Variants in TM4SF5 observed in about 807,000 individuals in gnomAD.
The protein encoded by TM4SF5 is transmembrane 4 L6 family member 5.
TM4SF5 carries 16 observed loss-of-function variants against 22.3 expected under a neutral mutation model. That is an observed-to-expected ratio of 0.72 (90% CI 0.49 to 1.09). The LOEUF is 1.09. TM4SF5 is among the 50% of genes least tolerant of loss of function. The pLI is 0.00. For missense variants in TM4SF5, 249 were observed against 266.1 expected (o/e 0.94, Z 0.45); for synonymous variants, 113 against 109.6 (o/e 1.03, Z -0.19).
intron 2 of TM4SF5, among the ~76,000 whole-genome samples, chr17:4,781,478 C>T (rs913075274): frequency 4.0e-5 from 6 of 151,792 alleles, no homozygotes; most frequent in Non-Finnish European, 7.4e-5. Context: ...AGCAAAACTC[C>T]GCCTCAAAAA....
chr17:4,783,144 C>T lies in TM4SF5; in HGVS notation c.*16C>T, dbSNP rs1200673174. 60 of 1,613,644 alleles carry T rather than the reference C, an allele frequency of 3.7e-5. No individual in the cohort carries two copies. Among genetic ancestry groups the T allele is most frequent in the Non-Finnish European group, 4.6e-5 (54 of 1,179,908 alleles). On this transcript the variant is annotated 3_prime_UTR_variant, in exon 5 of 5. Coordinates refer to ENST00000270560, the MANE Select transcript of TM4SF5 (RefSeq NM_003963.3). ...ACCTCACTGAGGCTCCACTGACCGCCGGGTTACACCTGCTCCTTCCTGGAC... is the reference window on the plus strand; with the variant it reads ...ACCTCACTGAGGCTCCACTGACCGCTGGGTTACACCTGCTCCTTCCTGGAC...
chr17:4,773,934 C>A (rs914337840), intron 1 of TM4SF5, among the ~76,000 whole-genome samples: 3 of 152,102 alleles, frequency 2.0e-5, no homozygotes, highest in Non-Finnish European at 4.4e-5. Flanking sequence ...AAGCACCACC[C>A]GGTGGGCATG....
At chr17:4,776,700 C>T (rs1478865589) in intron 1 of TM4SF5, among the ~76,000 whole-genome samples, 3 of 152,140 alleles carry the variant, frequency 2.0e-5, no homozygotes, top group South Asian at 2.1e-4. Context: ...GGTACAAATA[C>T]GTGTGCATTT....
intron 1 of TM4SF5, among the ~76,000 whole-genome samples, chr17:4,777,836 A>G (rs1917235890): frequency 6.6e-6 from 1 of 151,956 alleles, no homozygotes; most frequent in South Asian, 2.1e-4. Flanking sequence ...GCGAGCCAAG[A>G]TCGCGCCATT....
chr17:4,782,243 T>C (rs570993011), intron 2 of TM4SF5, among the ~76,000 whole-genome samples: 1 of 151,966 alleles, frequency 6.6e-6, no homozygotes, highest in East Asian at 1.9e-4. Context: ...CACACCCGGC[T>C]AATTTTTGTA....
At chr17:4,775,425 AT>A (rs969240020) in intron 1 of TM4SF5, among the ~76,000 whole-genome samples, 146 of 144,108 alleles carry the variant, frequency 1.0e-3, no homozygotes, top group Admixed American at 1.2e-3. Flanking sequence ...CGCACAGCAA[AT>A]TTTTTTTTTT....
intron 1 of TM4SF5, among the ~76,000 whole-genome samples, chr17:4,779,657 G>T (rs1246512364): frequency 6.6e-6 from 1 of 152,156 alleles, no homozygotes; most frequent in African/African-American, 2.4e-5. Context: ...TTCCAGCCTG[G>T]CTGACCTAGT....
chr17:4,773,040 G>T (rs1427345975), intron 1 of TM4SF5, among the ~76,000 whole-genome samples: 1 of 151,810 alleles, frequency 6.6e-6, no homozygotes, highest in Admixed American at 6.6e-5. Context: ...GAGTAGCTGG[G>T]ATTACGGTCA....
rs1292048105 is a variant in TM4SF5, at chr17:4,782,880, T to C, written c.422T>C (p.Leu141Pro). 1.2e-6 allele frequency: 2 copies of C among 1,613,918 alleles called. No homozygotes were observed. Among genetic ancestry groups the C allele is most frequent in the African/African-American group, 1.3e-5 (1 of 74,930 alleles). Residue 141 changes from leucine (L) to proline (P), a missense_variant, in exon 4 of 5, where the codon CTA becomes CCA. Leu to Pro is a moderately conservative substitution (Grantham distance 98). Transcript: ENST00000270560. ...TAGAYLLNRT[L>P]WDRCEAPPRV... ...GGAGCTTACTTGCTCAACCGCACTCTATGGGATCGGTGCGAGGCGCCCCCT... is the reference window on the plus strand; with the variant it reads ...GGAGCTTACTTGCTCAACCGCACTCCATGGGATCGGTGCGAGGCGCCCCCT...
intron 2 of TM4SF5, among the ~76,000 whole-genome samples, chr17:4,782,026 A>G (rs1201673583): frequency 6.6e-6 from 1 of 151,368 alleles, no homozygotes; most frequent in East Asian, 1.9e-4. Context: ...TTGTGTAGCT[A>G]GGAATTCCAT....
chr17:4,782,947 G>A lies in TM4SF5; in HGVS notation c.489G>A (p.Val163=). Residue 163 remains valine, a synonymous_variant, in exon 4 of 5, where the codon GTG becomes GTA. Transcript: ENST00000270560. ...ATGTGACGCTCTTCTCGCTGCTGGT[G>A]GCCGCCTCCTGCCTGGAGATAGTAC... ...PWNVTLFSLL[V]AASCLEIVLC... 6.2e-7 allele frequency: 1 copy of A among 1,614,262 alleles called. No individual in the cohort carries two copies. Among genetic ancestry groups the A allele is most frequent in the Non-Finnish European group, 8.5e-7 (1 of 1,180,046 alleles).
intron 3 of TM4SF5, 36 bp from the exon 4 acceptor site, chr17:4,782,818 G>T (rs772369263): frequency 1.3e-6 from 2 of 1,593,838 alleles, no homozygotes; most frequent in Admixed American, 1.7e-5. Flanking sequence ...GCACGCGCAC[G>T]CTGCCTTCTC....
chr17:4,778,700 C>A lies in TM4SF5; in HGVS notation c.178-2089C>A, dbSNP rs189884570. ...AGGCAAAGAACCTGACCTGGTGCAA[C>A]GAAGATAAAGGTAACGGAGCCAGAT... On this transcript the variant is annotated intron_variant, in intron 1 of 4. Coordinates refer to ENST00000270560, the MANE Select transcript of TM4SF5 (RefSeq NM_003963.3). Among the ~76,000 whole-genome samples the A allele has an allele frequency of 9.9e-5, 15 of 152,014 alleles. 1 individual carries two copies. The highest frequency in any genetic ancestry group is 9.9e-4 in the Admixed American group (15 of 15,228).
chr17:4,773,445 C>CAAA (rs1356412529), intron 1 of TM4SF5, among the ~76,000 whole-genome samples: 1 of 152,148 alleles, frequency 6.6e-6, no homozygotes, highest in African/African-American at 2.4e-5. Flanking sequence ...TGGTCAACCT[C>CAAA]GTTTAATATC....
In TM4SF5 at chr17:4,782,958, G is replaced by C; in HGVS notation, c.500G>C (p.Cys167Ser). 6.2e-7 allele frequency: 1 copy of C among 1,614,254 alleles called. No homozygotes were observed. The highest frequency in any genetic ancestry group is 1.3e-5 in the African/African-American group (1 of 75,078). ...TLFSLLVAAS[C>S]LEIVLCGIQL... ...TTCTCGCTGCTGGTGGCCGCCTCCT[G>C]CCTGGAGATAGTACTGTGTGGGATC... Residue 167 changes from cysteine to serine, a missense_variant, in exon 4 of 5, where the codon TGC becomes TCC. Physicochemically the swap from Cys to Ser is moderately radical, Grantham distance 112. Transcript: ENST00000270560.
intron 2 of TM4SF5, among the ~76,000 whole-genome samples, chr17:4,782,070 G>A (rs1917319717): frequency 6.7e-6 from 1 of 149,484 alleles, no homozygotes; most frequent in Non-Finnish European, 1.5e-5. Context: ...GACAGGTGCA[G>A]AAACAGAGTC....
intron 2 of TM4SF5, among the ~76,000 whole-genome samples, chr17:4,782,018 G>C (rs1479534651): frequency 6.6e-6 from 1 of 151,916 alleles, no homozygotes; most frequent in Admixed American, 6.6e-5. Flanking sequence ...AGAGGAGCTT[G>C]TGTAGCTAGG....
In TM4SF5 at chr17:4,771,897, C is replaced by G. The variant is rs1402349188; in HGVS notation, c.-26C>G. ...GGAACCACTGGCTTACTTTCACTCACCGCCTGTCCTTCCTGACACCTCACC... is the reference window on the plus strand; with the variant it reads ...GGAACCACTGGCTTACTTTCACTCAGCGCCTGTCCTTCCTGACACCTCACC... On this transcript the variant is annotated 5_prime_UTR_variant, in exon 1 of 5. Coordinates refer to ENST00000270560, the MANE Select transcript of TM4SF5 (RefSeq NM_003963.3). The G allele has an allele frequency of 6.2e-7, 1 of 1,613,684 alleles. No individual in the cohort carries two copies. Among genetic ancestry groups the G allele is most frequent in the South Asian group, 1.1e-5 (1 of 91,030 alleles).
chr17:4,772,364 C>T (rs1917127788), intron 1 of TM4SF5, among the ~76,000 whole-genome samples: 1 of 152,162 alleles, frequency 6.6e-6, no homozygotes. Flanking sequence ...GCCTGTCCTC[C>T]CTGTCCCCAC....
Sources: gnomAD v4.1 joint callset for allele counts (sites outside exome capture counted in the v4.1 genomes callset) on GRCh38, gnomAD v4.1.1 for gene constraint, MANE v1.5 for transcripts, NCBI Gene and HGNC (gene_info 2026-07-23, HGNC 2026-07-21) for gene names.